Variants in ZNF804A observed in about 807,000 individuals in gnomAD.
ZNF804A encodes the protein zinc finger protein 804A.
Under a neutral mutation model 16.5 loss-of-function variants are expected in ZNF804A, and 2 were observed. That is an observed-to-expected ratio of 0.12 (90% CI 0.05 to 0.38). The LOEUF is 0.38. Ranked by LOEUF, ZNF804A falls within the 10% of genes least tolerant of loss-of-function variation. The pLI is 0.99. For missense variants in ZNF804A, 1,473 were observed against 1,390.7 expected (o/e 1.06, Z -0.94); for synonymous variants, 534 against 489.6 (o/e 1.09, Z -1.20).
At chr2:184,829,788 G>C (rs1041451457) in intron 1 of ZNF804A, among the ~76,000 whole-genome samples, 1 of 149,872 alleles carries the variant, frequency 6.7e-6, no homozygotes. Flanking sequence ...TAGGCTGGGT[G>C]TAGTGGCTCA....
chr2:184,746,180 T>C (rs1693786836), intron 1 of ZNF804A, among the ~76,000 whole-genome samples: 1 of 151,576 alleles, frequency 6.6e-6, no homozygotes, highest in African/African-American at 2.4e-5. Context: ...CATTATTTTG[T>C]GTTGCGAACA....
intron 2 of ZNF804A, among the ~76,000 whole-genome samples, chr2:184,890,639 C>G (rs1684966793): frequency 6.6e-6 from 1 of 151,710 alleles, no homozygotes; most frequent in African/African-American, 2.4e-5. Context: ...CTGTAACTCT[C>G]CAAGATACTT....
In ZNF804A at chr2:184,935,947, C is replaced by A. The variant is rs1254650215; in HGVS notation, c.551C>A (p.Ala184Asp). 3.7e-6 allele frequency: 6 copies of A among 1,613,892 alleles called. No individual in the cohort carries two copies. Among genetic ancestry groups the A allele is most frequent in the Non-Finnish European group, 5.1e-6 (6 of 1,179,902 alleles). ...AATACTAAAGATGCTACCACTGTTG[C>A]TGAAGATCCAGAAAGTGCAAATAAT... Reference protein sequence around the residue: ...EENTKDATTVAEDPESANNYT... With the variant: ...EENTKDATTVDEDPESANNYT... The change falls in exon 4 of 4, where the codon GCT becomes GAT. Residue 184 changes from alanine to aspartate, a missense_variant. Transcript: ENST00000302277.
chr2:184,623,170 AT>A (rs928977968), intron 1 of ZNF804A, among the ~76,000 whole-genome samples: 17 of 152,072 alleles, frequency 1.1e-4, no homozygotes, highest in African/African-American at 2.4e-4. Context: ...TAAGTACAAC[AT>A]GTTTTATCCT....
At chr2:184,760,299 A>G (rs768259814) in intron 1 of ZNF804A, among the ~76,000 whole-genome samples, 6 of 152,172 alleles carry the variant, frequency 3.9e-5, no homozygotes, top group African/African-American at 9.6e-5. Flanking sequence ...ATAACTTTAT[A>G]TACTACAAAA....
At chr2:184,633,574 A>G (rs189471762) in intron 1 of ZNF804A, among the ~76,000 whole-genome samples, 2 of 152,312 alleles carry the variant, frequency 1.3e-5, no homozygotes, top group Non-Finnish European at 2.9e-5. Context: ...ATTATTCTTC[A>G]AATTATAAGG....
chr2:184,733,650 T>C (rs919590163), intron 1 of ZNF804A, among the ~76,000 whole-genome samples: 1 of 152,158 alleles, frequency 6.6e-6, no homozygotes, highest in African/African-American at 2.4e-5. Flanking sequence ...ATCTGAGCTT[T>C]GTATGTTCTG....
chr2:184,877,132 G>T (rs1001693547), intron 2 of ZNF804A, among the ~76,000 whole-genome samples: 1 of 151,750 alleles, frequency 6.6e-6, no homozygotes, highest in Non-Finnish European at 1.5e-5. Context: ...ATGATGACTT[G>T]GTTGGTGGTA....
intron 1 of ZNF804A, among the ~76,000 whole-genome samples, chr2:184,797,878 T>C (rs190006794): frequency 1.3e-5 from 2 of 152,268 alleles, no homozygotes; most frequent in Non-Finnish European, 1.5e-5. Flanking sequence ...AGAGCTTCTT[T>C]TAGCAGTTCT....
chr2:184,756,884 C>T (rs1559142756), intron 1 of ZNF804A, among the ~76,000 whole-genome samples: 1 of 151,914 alleles, frequency 6.6e-6, no homozygotes, highest in Non-Finnish European at 1.5e-5. Flanking sequence ...TTGAACACAC[C>T]AGAGACAACT....
intron 1 of ZNF804A, among the ~76,000 whole-genome samples, chr2:184,669,230 A>T (rs1438468926): frequency 6.6e-6 from 1 of 152,086 alleles, no homozygotes; most frequent in Admixed American, 6.6e-5. Flanking sequence ...CTGAGAATAC[A>T]TATTTTTTCT....
intron 1 of ZNF804A, among the ~76,000 whole-genome samples, chr2:184,784,691 T>C (rs1196017435): frequency 2.0e-5 from 3 of 152,030 alleles, no homozygotes; most frequent in African/African-American, 2.4e-5. Context: ...TATTATGTTT[T>C]GCTATAAATT....
chr2:184,665,375 T>C (rs561051059), intron 1 of ZNF804A, among the ~76,000 whole-genome samples: 16 of 152,324 alleles, frequency 1.1e-4, no homozygotes, highest in Admixed American at 3.3e-4. Flanking sequence ...TCTCAGGTTC[T>C]TCTGAGAAAA....
In ZNF804A at chr2:184,933,745, A is replaced by G; in HGVS notation, c.386+12A>G. ...AAGGAAACTGTATGGTGAGTATCCA[A>G]TGAAATTGTAAGTTTTCTTAAAACA... On this transcript the variant is annotated intron_variant, in intron 3 of 3. Transcript: ENST00000302277. 6.3e-7 allele frequency: 1 copy of G among 1,589,448 alleles called. No individual in the cohort carries two copies. The highest frequency in any genetic ancestry group is 8.5e-7 in the Non-Finnish European group (1 of 1,173,258).
chr2:184,604,903 T>C (rs1377321503), intron 1 of ZNF804A, among the ~76,000 whole-genome samples: 3 of 152,190 alleles, frequency 2.0e-5, no homozygotes, highest in African/African-American at 7.2e-5. Flanking sequence ...TATACAGGGA[T>C]TTCAGAGTGA....
At chr2:184,665,927 C>G (rs1340615684) in intron 1 of ZNF804A, among the ~76,000 whole-genome samples, 5 of 152,200 alleles carry the variant, frequency 3.3e-5, no homozygotes. Context: ...CCTTCTTCCA[C>G]ATTTAAGGAC....
chr2:184,605,754 G>C (rs1029113266), intron 1 of ZNF804A, among the ~76,000 whole-genome samples: 2 of 151,988 alleles, frequency 1.3e-5, no homozygotes, highest in African/African-American at 4.8e-5. Flanking sequence ...TATATCCTAG[G>C]GGGATCTTAG....
chr2:184,898,170 T>C (rs1685119311), intron 2 of ZNF804A, among the ~76,000 whole-genome samples: 1 of 152,144 alleles, frequency 6.6e-6, no homozygotes, highest in African/African-American at 2.4e-5. Context: ...CCCTGTGTTA[T>C]TAATGTATAT....
rs191173608 is a variant in ZNF804A, at chr2:184,754,773, A to T, written c.112-111596A>T. Reference sequence around the variant, plus strand: ...TGAAAAATTTATTCATCTTTTTTTTAAAAAAAATTGTGTCTTATTTCCTTT... The same window carrying T: ...TGAAAAATTTATTCATCTTTTTTTTTAAAAAAATTGTGTCTTATTTCCTTT... On this transcript the variant is annotated intron_variant, in intron 1 of 3. Transcript: ENST00000302277. Among the ~76,000 whole-genome samples the T allele has an allele frequency of 7.3e-3, 1,101 of 151,264 alleles. 26 individuals carry two copies. The highest frequency in any genetic ancestry group is 0.033 in the East Asian group (167 of 5,130).
Sources: gnomAD v4.1 joint callset for allele counts (sites outside exome capture counted in the v4.1 genomes callset) on GRCh38, gnomAD v4.1.1 for gene constraint, MANE v1.5 for transcripts, NCBI Gene and HGNC (gene_info 2026-07-23, HGNC 2026-07-21) for gene names.